Variants in PIGU observed in about 807,000 individuals in gnomAD.
PIGU encodes GPI-anchor transamidase component PIGU.
Under a neutral mutation model 49.9 loss-of-function variants are expected in PIGU, and 24 were observed. The observed-to-expected ratio is 0.48, with a 90% CI of 0.35 to 0.68. PIGU has a LOEUF of 0.68. Among genes scored for constraint, PIGU ranks in the 30% least tolerant of loss-of-function variants. The pLI is 0.01. For missense variants in PIGU, 490 were observed against 532.6 expected, an observed-to-expected ratio of 0.92 and a Z score of 0.79; for synonymous variants, 220 against 205.7, an observed-to-expected ratio of 1.07 and a Z score of -0.59.
chr20:34,601,815 G>C (rs908275136), intron 7 of PIGU, among the ~76,000 whole-genome samples: 32 of 152,126 alleles, frequency 2.1e-4, no homozygotes, highest in Non-Finnish European at 5.9e-5. Context: ...CACCCAGTCT[G>C]TGTGTATAAC....
intron 6 of PIGU, among the ~76,000 whole-genome samples, chr20:34,634,041 C>G (rs1311474386): frequency 6.6e-6 from 1 of 152,054 alleles, no homozygotes; most frequent in African/African-American, 2.4e-5. Flanking sequence ...AAGAGGAAGG[C>G]TGCTATTCTA....
At chr20:34,561,804 G>A (rs558368841) in intron 11 of PIGU, among the ~76,000 whole-genome samples, 5 of 151,730 alleles carry the variant, frequency 3.3e-5, no homozygotes, top group South Asian at 2.1e-4. Context: ...TTCTCTCCCC[G>A]TTCATCTAGT....
chr20:34,602,361 C>T (rs55793516), intron 7 of PIGU, among the ~76,000 whole-genome samples: 56,320 of 151,512 alleles, frequency 0.37, 10,826 homozygotes, highest in Admixed American at 0.54. Flanking sequence ...CTTTGGGAGG[C>T]CGAGGTGGGC....
intron 7 of PIGU, among the ~76,000 whole-genome samples, chr20:34,609,319 G>T (rs1170534244): frequency 6.6e-6 from 1 of 151,824 alleles, no homozygotes; most frequent in African/African-American, 2.4e-5. Flanking sequence ...AAACAAAAAA[G>T]AATATTTCCT....
intron 1 of PIGU, among the ~76,000 whole-genome samples, 158 bp from the exon 2 acceptor site, chr20:34,657,402 G>C (rs917659892): frequency 1.3e-5 from 2 of 152,122 alleles, no homozygotes; most frequent in African/African-American, 4.8e-5. Flanking sequence ...TCTGATGACG[G>C]GAAACTCTCT....
At chr20:34,572,015 G>A (rs771857027) in intron 11 of PIGU, among the ~76,000 whole-genome samples, 1 of 152,140 alleles carries the variant, frequency 6.6e-6, no homozygotes, top group Non-Finnish European at 1.5e-5. Context: ...CTGTAGGTTG[G>A]TGTGGCCTGC....
intron 6 of PIGU, among the ~76,000 whole-genome samples, chr20:34,630,968 A>T (rs1177459110): frequency 6.6e-6 from 1 of 152,190 alleles, no homozygotes; most frequent in East Asian, 1.9e-4. Flanking sequence ...AAATAGAAAC[A>T]GCAAGGATTA....
At chr20:34,562,379 T>G in intron 11 of PIGU, 478 of 1,247,894 alleles carry the variant, frequency 3.8e-4, no homozygotes, top group Non-Finnish European at 4.5e-4. Flanking sequence ...CAAGACAGGT[T>G]GAGCTAAGCC....
chr20:34,643,984 T>C, intron 4 of PIGU, 180 bp downstream of exon 4: 1 of 496,628 alleles, frequency 2.0e-6, no homozygotes, highest in South Asian at 2.6e-5. Context: ...TATCTGTTAG[T>C]AAAGCTGTCT....
chr20:34,627,920 A>C (rs36078366), intron 6 of PIGU, among the ~76,000 whole-genome samples: 1 of 152,116 alleles, frequency 6.6e-6, no homozygotes, highest in African/African-American at 2.4e-5. Context: ...AGGCTATGCA[A>C]TATCTAGCCA....
At chr20:34,621,897 A>G (rs1985249870) in intron 6 of PIGU, among the ~76,000 whole-genome samples, 1 of 152,226 alleles carries the variant, frequency 6.6e-6, no homozygotes, top group Non-Finnish European at 1.5e-5. Context: ...CAAAGGAAGC[A>G]GACCTAGCCC....
chr20:34,627,897 A>T (rs1985552916), intron 6 of PIGU, among the ~76,000 whole-genome samples: 1 of 152,194 alleles, frequency 6.6e-6, no homozygotes, highest in Non-Finnish European at 1.5e-5. Context: ...CGATCTTCAG[A>T]ACAAGACAAT....
At chr20:34,585,932 A>G (rs1983683010) in intron 8 of PIGU, among the ~76,000 whole-genome samples, 1 of 152,144 alleles carries the variant, frequency 6.6e-6, no homozygotes, top group South Asian at 2.1e-4. Context: ...AAAACACAGG[A>G]TCTATTTTGG....
At chr20:34,585,317 T>G in intron 9 of PIGU, 120 bp downstream of exon 9, 3 of 1,237,500 alleles carry the variant, frequency 2.4e-6, no homozygotes, top group Non-Finnish European at 3.4e-6. Context: ...GTTCCTTAGG[T>G]GAGATGCTCT....
intron 11 of PIGU, 90 bp downstream of exon 11, chr20:34,575,014 C>T (rs1983164890): frequency 6.6e-6 from 10 of 1,505,696 alleles, no homozygotes; most frequent in Admixed American, 3.5e-5. Context: ...CTGCACCCCC[C>T]GGTATGCAGA....
chr20:34,575,140 G>T lies in PIGU; in HGVS notation c.1158C>A (p.Phe386Leu), dbSNP rs1403569489. Residue 386 changes from phenylalanine to leucine, a missense_variant, in exon 11 of 12, where the codon TTC (phenylalanine) becomes TTA (leucine). Physicochemically the swap from Phe to Leu is conservative, Grantham distance 22. Transcript: ENST00000217446. ...TGAAGGTCAGTGTGATGGCATAAAA[G>T]AAATTAGAGTTGGCACTTCCTGCAT... ...WIYAGSANSN[F>L]FYAITLTFNV... is the part of the protein sequence containing the mutation. 1.9e-6 allele frequency: 3 copies of T among 1,614,064 alleles called. No individual in the cohort carries two copies. The highest frequency in any genetic ancestry group is 1.3e-5 in the African/African-American group (1 of 74,920).
In PIGU at chr20:34,677,036, G is replaced by A. The variant is rs541912146; in HGVS notation, c.50C>T (p.Ala17Val). ...LVLVVAVTVRAALFRSSLAEF... is the reference protein window; with the variant it reads ...LVLVVAVTVRVALFRSSLAEF... ...GGCCAGACTGGAGCGGAACAAGGCC[G>A]CCCGCACTGTCACAGCCACCACCAG... Residue 17 changes from alanine to valine, a missense_variant, in exon 1 of 12, where the codon GCG (alanine) becomes GTG (valine). By Grantham distance (64) the Ala-to-Val change is moderately conservative. Coordinates refer to ENST00000217446, the MANE Select transcript of PIGU (RefSeq NM_080476.5). The A allele has an allele frequency of 1.1e-5, 18 of 1,578,886 alleles. No individual in the cohort carries two copies. The highest frequency in any genetic ancestry group is 2.3e-5 in the East Asian group (1 of 43,420).
At chr20:34,644,687 T>C (rs983714296) in intron 3 of PIGU, among the ~76,000 whole-genome samples, 3 of 152,142 alleles carry the variant, frequency 2.0e-5, no homozygotes, top group African/African-American at 7.2e-5. Flanking sequence ...TCTCAAAACA[T>C]AGACCTGTCA....
chr20:34,657,140 A>T (rs1240013140), intron 2 of PIGU, 40 bp downstream of exon 2: 1 of 1,479,620 alleles, frequency 6.8e-7, no homozygotes, highest in Non-Finnish European at 9.4e-7. Flanking sequence ...GTGACTGTAA[A>T]CTACTCTTGG....
Sources: gnomAD v4.1 joint callset for allele counts (sites outside exome capture counted in the v4.1 genomes callset) on GRCh38, gnomAD v4.1.1 for gene constraint, MANE v1.5 for transcripts, NCBI Gene and HGNC (gene_info 2026-07-23, HGNC 2026-07-21) for gene names.